Variants in GATAD2B observed in about 807,000 individuals in gnomAD.
GATAD2B encodes the protein GATA zinc finger domain containing 2B.
A neutral mutation model predicts 64.3 loss-of-function variants in GATAD2B; 8 were observed. The ratio of observed to expected loss-of-function variants is 0.12; its 90% confidence interval spans 0.07 to 0.22. The LOEUF (loss-of-function observed/expected upper bound fraction) is 0.22. GATAD2B is among the 10% of genes least tolerant of loss of function. The pLI is 1.00. For missense variants in GATAD2B, 453 were observed against 752.0 expected (o/e 0.60, Z 4.65); for synonymous variants, 281 against 271.3 (o/e 1.04, Z -0.35).
intron 1 of GATAD2B, among the ~76,000 whole-genome samples, chr1:153,859,920 T>C (rs1346169482): frequency 7.4e-4 from 98 of 132,582 alleles, no homozygotes; most frequent in Non-Finnish European, 9.8e-4. Context: ...TTTTTTTTTT[T>C]TTTTTTTTTT....
At chr1:153,846,031 G>A (rs895942054) in intron 1 of GATAD2B, among the ~76,000 whole-genome samples, 1 of 143,990 alleles carries the variant, frequency 6.9e-6, no homozygotes, top group Non-Finnish European at 1.5e-5. Context: ...TTAACTTTCT[G>A]GTTAATATTT....
chr1:153,832,245 T>C (rs745974803), intron 1 of GATAD2B, among the ~76,000 whole-genome samples: 5 of 150,726 alleles, frequency 3.3e-5, no homozygotes, highest in Non-Finnish European at 7.4e-5. Context: ...AAGTTGTGAA[T>C]GCAAAGGAAA....
intron 1 of GATAD2B, among the ~76,000 whole-genome samples, chr1:153,866,202 C>CAAAAAAAAAAAAAAAAAA: frequency 1.0e-5 from 1 of 99,768 alleles, no homozygotes; most frequent in Admixed American, 1.1e-4. Flanking sequence ...CACTAGGTCT[C>CAAAAAAAAAAAAAAAAAA]AAAAAAAAAA....
intron 1 of GATAD2B, among the ~76,000 whole-genome samples, chr1:153,861,364 C>G (rs566091702): frequency 9.9e-5 from 15 of 151,792 alleles, no homozygotes; most frequent in African/African-American, 2.9e-4. Context: ...CCAGCCTGGG[C>G]AACATAGTGA....
chr1:153,867,880 G>C (rs1570973990), intron 1 of GATAD2B, among the ~76,000 whole-genome samples: 1 of 150,796 alleles, frequency 6.6e-6, no homozygotes, highest in Non-Finnish European at 1.5e-5. Flanking sequence ...AAAAAAAAGA[G>C]TCACCATATT....
intron 1 of GATAD2B, among the ~76,000 whole-genome samples, chr1:153,892,566 T>C (rs573627024): frequency 1.9e-4 from 29 of 152,228 alleles, no homozygotes; most frequent in African/African-American, 7.0e-4. Context: ...AAATCAGAAT[T>C]GATGGATAAG....
chr1:153,905,128 G>A (rs1677887220), intron 1 of GATAD2B, among the ~76,000 whole-genome samples: 1 of 152,180 alleles, frequency 6.6e-6, no homozygotes. Flanking sequence ...TTACAGGCAT[G>A]AGCCACTGCA....
intron 1 of GATAD2B, among the ~76,000 whole-genome samples, chr1:153,906,065 C>CAA (rs142513068): frequency 6.7e-5 from 5 of 74,868 alleles, no homozygotes; most frequent in Non-Finnish European, 1.1e-4. Context: ...GGTTCCCTCT[C>CAA]AAAAAAAAAA....
chr1:153,910,382 T>C, intron 1 of GATAD2B, among the ~76,000 whole-genome samples: 1 of 152,162 alleles, frequency 6.6e-6, no homozygotes, highest in East Asian at 1.9e-4. Context: ...CATACAACCA[T>C]TCTGGTTTAC....
chr1:153,861,809 T>TATATATACACACAC (rs1294838675), intron 1 of GATAD2B, among the ~76,000 whole-genome samples: 1 of 122,190 alleles, frequency 8.2e-6, no homozygotes, highest in African/African-American at 3.0e-5. Context: ...TATATATATA[T>TATATATACACACAC]ACACATATGT....
At chr1:153,828,492 A>ACG (rs1033962413) in intron 1 of GATAD2B, 144 bp from the exon 2 acceptor site, 1 of 616,832 alleles carries the variant, frequency 1.6e-6, no homozygotes, top group Non-Finnish European at 2.8e-6. Context: ...ACACACACAC[A>ACG]AAGTTCAAAG....
intron 1 of GATAD2B, among the ~76,000 whole-genome samples, chr1:153,895,626 G>A (rs377763724): frequency 6.6e-6 from 1 of 151,698 alleles, no homozygotes. Flanking sequence ...TAAAAAGAAC[G>A]GAGACATCTG....
chr1:153,810,423 G>GT, intron 10 of GATAD2B, 113 bp from the exon 11 acceptor site: 1 of 1,020,302 alleles, frequency 9.8e-7, no homozygotes, highest in South Asian at 1.4e-5. Context: ...GAATTTACCA[G>GT]TATCTGGTCA....
chr1:153,846,672 T>C (rs1675700499), intron 1 of GATAD2B, among the ~76,000 whole-genome samples: 1 of 150,676 alleles, frequency 6.6e-6, no homozygotes, highest in African/African-American at 2.4e-5. Flanking sequence ...AGCAATTCTC[T>C]GCCTCAGCCT....
rs1257106424 is a variant in GATAD2B, at chr1:153,809,706, T to C, written c.*471A>G. On this transcript the variant is annotated 3_prime_UTR_variant, in exon 11 of 11. Coordinates refer to ENST00000368655, the MANE Select transcript of GATAD2B (RefSeq NM_020699.4). Reference sequence around the variant, plus strand: ...GTATCATTGAACTGAATGTCATTTGTGTTTACAAAAAAAAAAAAAAAAAAG... The same window carrying C: ...GTATCATTGAACTGAATGTCATTTGCGTTTACAAAAAAAAAAAAAAAAAAG... 4 of 139,948 alleles carry C rather than the reference T, an allele frequency of 2.9e-5. No individual in the cohort carries two copies. Among genetic ancestry groups the C allele is most frequent in the African/African-American group, 1.1e-4 (4 of 36,940 alleles). 8.7% of individuals were successfully genotyped at this position (139,948 alleles called of 1,614,324 possible). A position where few individuals can be genotyped will look rare whatever the true frequency, so the allele number is the denominator to read the frequency against.
chr1:153,874,721 T>A (rs1344368682), intron 1 of GATAD2B, among the ~76,000 whole-genome samples: 1 of 151,470 alleles, frequency 6.6e-6, no homozygotes, highest in Non-Finnish European at 1.5e-5. Flanking sequence ...GGACTACAGG[T>A]GCATGCCATC....
At position 153,834,934 on chromosome 1, in the gene GATAD2B, AC is replaced by A. The variant is rs759689050; in HGVS notation, c.-1-6587del. On this transcript the variant is annotated intron_variant, in intron 1 of 10. Transcript: ENST00000368655. ...CAGGAGTTCGAGACCAACCTGGACA[AC>A]AAAGTGAGACCCTATCTCTACAGAA... is the stretch of plus-strand genomic sequence containing the variant. 2.0e-5 allele frequency among the ~76,000 whole-genome samples: 3 copies of A among 152,106 alleles called. No individual in the cohort carries two copies. The East Asian group carries it at 5.8e-4, about 29-fold the overall frequency.
intron 1 of GATAD2B, among the ~76,000 whole-genome samples, chr1:153,909,359 G>A (rs185104768): frequency 2.0e-4 from 30 of 151,864 alleles, no homozygotes; most frequent in African/African-American, 3.4e-4. Context: ...GACTACAGGC[G>A]CCCACCACCA....
At chr1:153,895,657 A>G (rs1677566526) in intron 1 of GATAD2B, among the ~76,000 whole-genome samples, 1 of 152,122 alleles carries the variant, frequency 6.6e-6, no homozygotes, top group African/African-American at 2.4e-5. Flanking sequence ...GAGACATGTT[A>G]CTAAAAATTT....
Sources: allele counts gnomAD v4.1 joint callset (sites outside exome capture counted in the v4.1 genomes callset), GRCh38; gene constraint gnomAD v4.1.1; transcripts MANE v1.5; gene names NCBI Gene and HGNC (gene_info 2026-07-23, HGNC 2026-07-21).